FAT3: variants seen among roughly 807,000 people sequenced by gnomAD.
FAT3 encodes the protein FAT atypical cadherin 3.
FAT3 carries 95 observed loss-of-function variants against 310.2 expected under a neutral mutation model. The ratio of observed to expected loss-of-function variants is 0.31; its 90% CI spans 0.26 to 0.36. The LOEUF (loss-of-function observed/expected upper bound fraction) is 0.36. Among genes scored for constraint, FAT3 ranks in the 10% least tolerant of loss-of-function variants. The probability of loss-of-function intolerance (pLI) is 1.00; values close to 1 mark genes in which losing one functional copy is unlikely to be tolerated. For missense variants in FAT3, 5,408 were observed against 5,715.6 expected (o/e 0.95, Z 1.74); for synonymous variants, 2,314 against 2,192.9 (o/e 1.06, Z -1.54).
intron 4 of FAT3, among the ~76,000 whole-genome samples, chr11:92,742,611 A>G (rs931157521): frequency 4.6e-5 from 7 of 152,158 alleles, no homozygotes; most frequent in Non-Finnish European, 1.5e-5. Context: ...TTATCTCAGG[A>G]GTGGGTTCTG....
intron 18 of FAT3, among the ~76,000 whole-genome samples, chr11:92,842,303 C>G (rs1591803602): frequency 6.6e-6 from 1 of 152,218 alleles, no homozygotes; most frequent in East Asian, 1.9e-4. Flanking sequence ...TGACAGGCAG[C>G]ACTCTCCAGT....
intron 19 of FAT3, among the ~76,000 whole-genome samples, chr11:92,850,313 G>A (rs1161994086): frequency 6.6e-6 from 1 of 152,126 alleles, no homozygotes; most frequent in African/African-American, 2.4e-5. Flanking sequence ...GCCAGGAGAG[G>A]TGTGGAGGTC....
intron 2 of FAT3, among the ~76,000 whole-genome samples, chr11:92,427,341 C>T (rs529676390): frequency 6.6e-6 from 1 of 152,234 alleles, no homozygotes; most frequent in South Asian, 2.1e-4. Flanking sequence ...TCCTCTCTTC[C>T]TATTTAAATA....
intron 2 of FAT3, among the ~76,000 whole-genome samples, chr11:92,470,894 G>GA (rs1307581118): frequency 6.6e-6 from 1 of 151,972 alleles, no homozygotes. Flanking sequence ...AGAAATTTTA[G>GA]AAAAAATAAG....
intron 3 of FAT3, among the ~76,000 whole-genome samples, chr11:92,630,666 A>G (rs943396473): frequency 6.6e-6 from 1 of 152,212 alleles, no homozygotes; most frequent in Admixed American, 6.5e-5. Context: ...AAGAATTATC[A>G]AACCCTTCCA....
chr11:92,515,997 T>G (rs1006967260), intron 2 of FAT3, among the ~76,000 whole-genome samples: 1 of 152,106 alleles, frequency 6.6e-6, no homozygotes, highest in African/African-American at 2.4e-5. Flanking sequence ...CAGTAATTAA[T>G]AGCCTACCAA....
chr11:92,331,573 G>T (rs1335345525), intron 1 of FAT3, among the ~76,000 whole-genome samples: 1 of 152,128 alleles, frequency 6.6e-6, no homozygotes, highest in African/African-American at 2.4e-5. Context: ...CTTACAAAGT[G>T]GCTATAAAAC....
At chr11:92,291,101 A>ACACACACACG (rs2134394245) in intron 1 of FAT3, among the ~76,000 whole-genome samples, 1 of 151,724 alleles carries the variant, frequency 6.6e-6, no homozygotes, top group East Asian at 2.0e-4. Context: ...ACACACACAC[A>ACACACACACG]CACACACACA....
intron 1 of FAT3, among the ~76,000 whole-genome samples, chr11:92,322,053 T>C (rs1451866551): frequency 6.6e-6 from 1 of 152,138 alleles, no homozygotes; most frequent in Non-Finnish European, 1.5e-5. Context: ...TCTGGTTAGA[T>C]GTAGGCCTTG....
At chr11:92,507,824 T>G (rs1468222684) in intron 2 of FAT3, among the ~76,000 whole-genome samples, 2 of 151,924 alleles carry the variant, frequency 1.3e-5, no homozygotes, top group Non-Finnish European at 2.9e-5. Flanking sequence ...TATATGCCCC[T>G]TATAACACAC....
At chr11:92,644,486 G>A (rs936083221) in intron 3 of FAT3, among the ~76,000 whole-genome samples, 10 of 151,416 alleles carry the variant, frequency 6.6e-5, no homozygotes, top group Middle Eastern at 3.2e-3. Flanking sequence ...ATACCACCCC[G>A]CCCCCCCGAT....
intron 1 of FAT3, among the ~76,000 whole-genome samples, chr11:92,293,539 TATATATATATATAAATAA>T (rs1212890482): frequency 1.7e-5 from 2 of 118,314 alleles, no homozygotes; most frequent in African/African-American, 6.6e-5. Context: ...TATATATATA[TATATATATATATAAATAA>T]AATATATTCC....
intron 3 of FAT3, among the ~76,000 whole-genome samples, chr11:92,528,795 T>G (rs1217144571): frequency 6.6e-6 from 1 of 152,188 alleles, no homozygotes; most frequent in East Asian, 1.9e-4. Flanking sequence ...TTTAGTCATG[T>G]TTACACCATG....
chr11:92,315,046 C>T (rs1947401383), intron 1 of FAT3, among the ~76,000 whole-genome samples: 2 of 151,806 alleles, frequency 1.3e-5, no homozygotes, highest in African/African-American at 4.8e-5. Context: ...CCTTCACGGG[C>T]TTCTGGTTGA....
chr11:92,233,910 T>C (rs1864300099), intron 1 of FAT3, among the ~76,000 whole-genome samples: 1 of 152,246 alleles, frequency 6.6e-6, no homozygotes, highest in Admixed American at 6.5e-5. Context: ...GTGTTCAGTT[T>C]ACATTCTGCA....
Position 92,891,002 on chromosome 11 carries a change from C to G in FAT3, c.13659C>G (p.Cys4553Trp), listed in dbSNP as rs374731409. The change falls in exon 28 of 28, where the codon TGC (cysteine) becomes TGG (tryptophan). Residue 4553 changes from cysteine to tryptophan, a missense_variant. By Grantham distance (215) the Cys-to-Trp change is radical. Coordinates refer to ENST00000525166, the MANE Select transcript of FAT3 (RefSeq NM_001367949.2). Reference protein sequence around the residue: ...GTSSSDVSANCGFDDSEVAMS... With the variant: ...GTSSSDVSANWGFDDSEVAMS... Reference sequence around the variant, plus strand: ...CATCCTCGGATGTGTCTGCCAACTGCGGCTTTGACGATTCCGAAGTAGCCA... The same window carrying G: ...CATCCTCGGATGTGTCTGCCAACTGGGGCTTTGACGATTCCGAAGTAGCCA... 1 of 1,613,864 alleles carries G rather than the reference C, an allele frequency of 6.2e-7. No homozygotes were observed. Among genetic ancestry groups the G allele is most frequent in the Non-Finnish European group, 8.5e-7 (1 of 1,179,848 alleles).
chr11:92,659,220 C>T (rs557113133), intron 3 of FAT3, among the ~76,000 whole-genome samples: 4 of 152,236 alleles, frequency 2.6e-5, no homozygotes, highest in East Asian at 1.9e-4. Context: ...ACCAGCTTGC[C>T]GCAGCTCACA....
chr11:92,642,054 CAA>C (rs1158234892), intron 3 of FAT3, among the ~76,000 whole-genome samples: 3 of 152,180 alleles, frequency 2.0e-5, no homozygotes, highest in Non-Finnish European at 2.9e-5. Flanking sequence ...TCCATTCTTC[CAA>C]ATGGGAACAG....
Position 92,706,709 on chromosome 11 carries a change from A to C in FAT3, c.3669+9264A>C, listed in dbSNP as rs139858623. 4.6e-5 allele frequency among the ~76,000 whole-genome samples: 7 copies of C among 152,326 alleles called. No homozygotes were observed. In the East Asian group the frequency reaches 1.2e-3, roughly 25 times the overall value. On this transcript the variant is annotated intron_variant, in intron 4 of 27. Transcript: ENST00000525166. ...CCTCTCAGAATGAAGTAAGTAATTC[A>C]CATATTTTGTGGGATGTAATTAGTT...
Sources: gnomAD v4.1 joint callset for allele counts (sites outside exome capture counted in the v4.1 genomes callset) on GRCh38, gnomAD v4.1.1 for gene constraint, MANE v1.5 for transcripts, NCBI Gene and HGNC (gene_info 2026-07-23, HGNC 2026-07-21) for gene names.